The following CLK4 variants were observed in gnomAD, a reference collection of about 807,000 sequenced individuals.
CLK4 encodes the protein CDC like kinase 4.
In CLK4, 37 loss-of-function variants were observed where a neutral mutation model predicts 64.4. The ratio of observed to expected loss-of-function variants is 0.57; its 90% CI spans 0.44 to 0.76. The LOEUF (loss-of-function observed/expected upper bound fraction) is 0.76, where lower values mean the gene tolerates loss of function less well. Among genes scored for constraint, CLK4 ranks in the 30% least tolerant of loss-of-function variants. The pLI, the probability that CLK4 is intolerant of heterozygous loss-of-function variation, is 0.00. For synonymous variants in CLK4, 175 were observed against 191.6 expected (o/e 0.91, Z 0.72); for missense variants, 457 against 605.1 (o/e 0.76, Z 2.57).
At chr5:178,611,094 G>T (rs773814348) in intron 9 of CLK4, among the ~76,000 whole-genome samples, 2 of 151,526 alleles carry the variant, frequency 1.3e-5, no homozygotes, top group African/African-American at 4.9e-5. Context: ...AAAGGGGGGG[G>T]TTACTATATA....
At chr5:178,609,899 ACT>A (rs1211643095) in intron 9 of CLK4, among the ~76,000 whole-genome samples, 1 of 151,196 alleles carries the variant, frequency 6.6e-6, no homozygotes, top group African/African-American at 2.4e-5. Flanking sequence ...ACAGAGTGAG[ACT>A]CTGTCTCAAA....
chr5:178,616,778 A>G (rs573648909), intron 5 of CLK4, 104 bp downstream of exon 5: 174 of 857,750 alleles, frequency 2.0e-4, no homozygotes, highest in Non-Finnish European at 3.0e-4. Context: ...CCTGGGCAAC[A>G]GAGGCCCTAT....
chr5:178,604,632 A>G (rs894791901), intron 11 of CLK4: 5 of 152,056 alleles, frequency 3.3e-5, no homozygotes, highest in Admixed American at 3.3e-4. Context: ...CCTTCATGCA[A>G]CGTAGATCCC....
rs763049938 is a variant in CLK4, at chr5:178,613,716, G to C, written c.659+11C>G. ...GTAATATGATGGCTCCTAGGTGAAAGTTATACTTACAAGACACTATTGGGA... is the reference window on the plus strand; with the variant it reads ...GTAATATGATGGCTCCTAGGTGAAACTTATACTTACAAGACACTATTGGGA... On this transcript the variant is annotated intron_variant, in intron 6 of 12. Transcript: ENST00000316308. 17 of 1,608,260 alleles carry C rather than the reference G, an allele frequency of 1.1e-5. No homozygotes were observed. In the East Asian group the frequency reaches 3.6e-4, roughly 34 times the overall value.
intron 9 of CLK4, among the ~76,000 whole-genome samples, chr5:178,609,738 T>A (rs1279434109): frequency 1.1e-5 from 1 of 90,810 alleles, no homozygotes; most frequent in East Asian, 4.8e-4. Context: ...TTTTAAAATA[T>A]ATATATATAT....
At position 178,603,546 on chromosome 5, in the gene CLK4, G is replaced by A; in HGVS notation, c.*71C>T. ...TTAATGTTTACAAAAATATTAGAAT[G>A]TTTAGTTGACTGACACAGTCTTAAG... On this transcript the variant is annotated 3_prime_UTR_variant, in exon 13 of 13. Coordinates refer to ENST00000316308, the MANE Select transcript of CLK4 (RefSeq NM_020666.3). 3 of 1,097,366 alleles carry A rather than the reference G, an allele frequency of 2.7e-6. No individual in the cohort carries two copies. Among genetic ancestry groups the A allele is most frequent in the East Asian group, 2.6e-5 (1 of 38,650 alleles). 68.0% of individuals were successfully genotyped at this position (1,097,366 alleles called of 1,614,324 possible).
chr5:178,621,026 C>T (rs931207290), intron 2 of CLK4, among the ~76,000 whole-genome samples: 4 of 152,128 alleles, frequency 2.6e-5, no homozygotes, highest in African/African-American at 9.7e-5. Flanking sequence ...ATGCATTACT[C>T]AGGAAAAAGA....
At chr5:178,604,220 C>T (rs911480567) in intron 11 of CLK4, 3 of 213,616 alleles carry the variant, frequency 1.4e-5, no homozygotes, top group Non-Finnish European at 2.8e-5. Context: ...ATTCTGTTTT[C>T]ACTAGATCTA....
At chr5:178,610,640 G>A (rs1278851305) in intron 9 of CLK4, among the ~76,000 whole-genome samples, 1 of 152,078 alleles carries the variant, frequency 6.6e-6, no homozygotes, top group Non-Finnish European at 1.5e-5. Flanking sequence ...TATTCTGGTG[G>A]GTGCGGTGGC....
chr5:178,624,907 T>C (rs1405725826), intron 1 of CLK4, among the ~76,000 whole-genome samples: 1 of 152,140 alleles, frequency 6.6e-6, no homozygotes, highest in African/African-American at 2.4e-5. Context: ...TGCCACCAGA[T>C]AGTCAGATAT....
chr5:178,617,652 T>C lies in CLK4; in HGVS notation c.385-218A>G. 1 of 393,256 alleles carries C rather than the reference T, an allele frequency of 2.5e-6. No homozygotes were observed. The highest frequency in any genetic ancestry group is 4.3e-6 in the Non-Finnish European group (1 of 232,104). 24.4% of individuals were successfully genotyped at this position (393,256 alleles called of 1,614,324 possible). A position where few individuals can be genotyped will look rare whatever the true frequency, so the allele number is the denominator to read the frequency against. On this transcript the variant is annotated intron_variant, in intron 3 of 12. Coordinates refer to ENST00000316308, the MANE Select transcript of CLK4 (RefSeq NM_020666.3). This position sits in a 1 kb window ranked among gnomAD's most constrained non-coding sequence, Gnocchi z 5.2. ...AAGAAAAACATGGCAAGGAACAGATTTTCAGATAAGATACTTAAAGTGGCA... is the reference window on the plus strand; with the variant it reads ...AAGAAAAACATGGCAAGGAACAGATCTTCAGATAAGATACTTAAAGTGGCA...
chr5:178,609,170 G>A (rs989218559), intron 9 of CLK4, among the ~76,000 whole-genome samples: 2 of 152,024 alleles, frequency 1.3e-5, no homozygotes, highest in East Asian at 3.9e-4. Context: ...TGACTGGGAA[G>A]GAGAAAGAAC....
intron 1 of CLK4, 58 bp from the exon 2 acceptor site, chr5:178,623,474 A>G: frequency 7.4e-7 from 1 of 1,346,422 alleles, no homozygotes; most frequent in South Asian, 1.7e-5. Flanking sequence ...TAGGTAAATT[A>G]TTATATATTA....
chr5:178,625,899 A>G (rs1764772519), intron 1 of CLK4, among the ~76,000 whole-genome samples: 1 of 152,248 alleles, frequency 6.6e-6, no homozygotes, highest in Admixed American at 6.5e-5. Flanking sequence ...CCCACGTTCT[A>G]CGTGGTAAGG....
Position 178,608,389 on chromosome 5 carries a change from A to C in CLK4, c.1121T>G (p.Phe374Cys). The stretch of plus-strand genomic sequence containing the variant: ...CTAGCCACGTACCTGAAAGACTGTG[A>C]AACCAAGGTAATATTCAATAAGAAT... ...GCILIEYYLGFTVFQTHDSKE... is the reference protein window; with the variant it reads ...GCILIEYYLGCTVFQTHDSKE... The change falls in exon 10 of 13, where the codon TTC (phenylalanine) becomes TGC (cysteine). Residue 374 changes from phenylalanine to cysteine, a missense_variant. Phe to Cys is a radical substitution (Grantham distance 205). Transcript: ENST00000316308. 1 of 1,605,382 alleles carries C rather than the reference A, an allele frequency of 6.2e-7. No individual in the cohort carries two copies. The highest frequency in any genetic ancestry group is 8.5e-7 in the Non-Finnish European group (1 of 1,175,812).
chr5:178,615,082 G>A (rs1764608554), intron 5 of CLK4, among the ~76,000 whole-genome samples: 1 of 152,114 alleles, frequency 6.6e-6, no homozygotes, highest in South Asian at 2.1e-4. Context: ...CGTGACTACA[G>A]GCTCACACCT....
intron 9 of CLK4, among the ~76,000 whole-genome samples, chr5:178,610,680 G>A (rs1764543693): frequency 6.6e-6 from 1 of 152,042 alleles, no homozygotes; most frequent in Non-Finnish European, 1.5e-5. Context: ...ACTTTGGGAG[G>A]CCAAGGCAGG....
Position 178,617,075 on chromosome 5 carries a change from A to G in CLK4, c.476-127T>C. 1.4e-6 allele frequency: 1 copy of G among 710,170 alleles called. No homozygotes were observed. Among genetic ancestry groups the G allele is most frequent in the Non-Finnish European group, 2.4e-6 (1 of 413,612 alleles). 44.0% of individuals were successfully genotyped at this position (710,170 alleles called of 1,614,324 possible). A position where few individuals can be genotyped will look rare whatever the true frequency, so the allele number is the denominator to read the frequency against. On this transcript the variant is annotated intron_variant, in intron 4 of 12. Coordinates refer to ENST00000316308, the MANE Select transcript of CLK4 (RefSeq NM_020666.3). This position sits in a 1 kb window ranked among gnomAD's most constrained non-coding sequence, Gnocchi z 5.2. Reference sequence around the variant, plus strand: ...AACAAAGCATAACTAAGGTTTCAGCACTCAAATTATTTTAGTTTCAGCTGC... The same window carrying G: ...AACAAAGCATAACTAAGGTTTCAGCGCTCAAATTATTTTAGTTTCAGCTGC...
At chr5:178,614,373 G>C (rs1366369285) in intron 5 of CLK4, among the ~76,000 whole-genome samples, 1 of 152,160 alleles carries the variant, frequency 6.6e-6, no homozygotes, top group Non-Finnish European at 1.5e-5. Flanking sequence ...AAACATCCAG[G>C]TAAAGGAGAC....
Sources: allele counts gnomAD v4.1 joint callset (sites outside exome capture counted in the v4.1 genomes callset), GRCh38; gene constraint gnomAD v4.1.1; non-coding constraint Gnocchi (gnomAD v3.1); transcripts MANE v1.5; gene names NCBI Gene and HGNC (gene_info 2026-07-23, HGNC 2026-07-21).